The following NBEA variants were observed in gnomAD, a reference collection of about 807,000 sequenced individuals.
The protein encoded by NBEA is neurobeachin.
Under a neutral mutation model 343.4 loss-of-function variants are expected in NBEA, and 44 were observed. That is an observed-to-expected ratio of 0.13 (90% CI 0.10 to 0.16). The LOEUF (loss-of-function observed/expected upper bound fraction) is 0.16. Among genes scored for constraint, NBEA ranks in the 10% least tolerant of loss-of-function variants. NBEA has a pLI of 1.00. For missense variants in NBEA, 2,555 were observed against 3,631.3 expected, an observed-to-expected ratio of 0.70 and a Z score of 7.62; for synonymous variants, 1,175 against 1,238.7, an observed-to-expected ratio of 0.95 and a Z score of 1.08.
chr13:35,384,534 T>C (rs1037771981), intron 38 of NBEA, among the ~76,000 whole-genome samples: 43 of 149,834 alleles, frequency 2.9e-4, no homozygotes, highest in Admixed American at 8.0e-4. Context: ...TTTTTTTTTT[T>C]TTTTTTTTTG....
In NBEA at chr13:35,309,538, A is replaced by T; in HGVS notation, c.5849A>T (p.Asn1950Ile). ...GGTTTCTCCTTTTAGGAATGGCAAA[A>T]CTCTATTCAGAAGAATGCAGGACTT... ...VMLLCSQEWQ[N>I]SIQKNAGLAF... The change falls in exon 36 of 59, where the codon AAC becomes ATC. Residue 1950 changes from asparagine (N) to isoleucine (I), a missense_variant. Physicochemically the swap from Asn to Ile is moderately radical, Grantham distance 149 (BLOSUM62 -3). Transcript: ENST00000379939. The T allele has an allele frequency of 1.3e-6, 2 of 1,588,172 alleles. No homozygotes were observed. The highest frequency in any genetic ancestry group is 1.7e-6 in the Non-Finnish European group (2 of 1,168,320).
intron 18 of NBEA, among the ~76,000 whole-genome samples, chr13:35,151,157 T>G (rs909744767): frequency 6.6e-6 from 1 of 151,796 alleles, no homozygotes; most frequent in African/African-American, 2.4e-5. Flanking sequence ...TTTTAATAAT[T>G]TTTTTGAAGT....
At chr13:35,097,576 C>G (rs1342168004) in intron 10 of NBEA, among the ~76,000 whole-genome samples, 1 of 151,946 alleles carries the variant, frequency 6.6e-6, no homozygotes, top group Non-Finnish European at 1.5e-5. Flanking sequence ...AATGCATTAT[C>G]AAAGCTTAAT....
chr13:35,283,787 A>G (rs1006232642), intron 34 of NBEA, among the ~76,000 whole-genome samples: 3 of 152,164 alleles, frequency 2.0e-5, no homozygotes, highest in Non-Finnish European at 4.4e-5. Context: ...TGATAATTGA[A>G]TTTGTGATAA....
intron 34 of NBEA, among the ~76,000 whole-genome samples, chr13:35,257,061 G>A (rs117265686): frequency 0.019 from 2,958 of 152,306 alleles, 51 homozygotes; most frequent in South Asian, 0.034. Flanking sequence ...CTTTGTAGTG[G>A]CCACTCCAGA....
chr13:35,340,665 A>G (rs138460329), intron 36 of NBEA, among the ~76,000 whole-genome samples: 156 of 152,180 alleles, frequency 1.0e-3, no homozygotes, highest in Middle Eastern at 6.8e-3. Flanking sequence ...AAAGGAATAA[A>G]TTTAGCCAAA....
chr13:34,954,693 T>C (rs2059440672), intron 1 of NBEA, among the ~76,000 whole-genome samples: 1 of 152,162 alleles, frequency 6.6e-6, no homozygotes, highest in African/African-American at 2.4e-5. Context: ...AATGGCATAG[T>C]ATTTGCATAT....
chr13:35,626,900 G>A (rs2083255657), intron 48 of NBEA, among the ~76,000 whole-genome samples: 1 of 152,102 alleles, frequency 6.6e-6, no homozygotes, highest in Non-Finnish European at 1.5e-5. Flanking sequence ...TGTTTACATT[G>A]CTGAATGAGA....
chr13:35,076,808 A>G (rs1291261116), intron 10 of NBEA, among the ~76,000 whole-genome samples: 1 of 152,032 alleles, frequency 6.6e-6, no homozygotes, highest in African/African-American at 2.4e-5. Flanking sequence ...CTATCTTCTA[A>G]CAGGAGTATT....
intron 38 of NBEA, among the ~76,000 whole-genome samples, chr13:35,355,224 A>C (rs2040426097): frequency 7.2e-6 from 1 of 139,124 alleles, no homozygotes. Flanking sequence ...TTTATATTTC[A>C]CTTGACTTAT....
intron 43 of NBEA, among the ~76,000 whole-genome samples, chr13:35,553,181 C>T (rs1342156547): frequency 1.3e-5 from 2 of 152,134 alleles, no homozygotes; most frequent in Admixed American, 1.3e-4. Context: ...CAACAGTCAC[C>T]ATGCCCAGCT....
chr13:35,015,811 C>T (rs1477024615), intron 1 of NBEA, among the ~76,000 whole-genome samples: 6 of 151,914 alleles, frequency 3.9e-5, no homozygotes, highest in African/African-American at 1.5e-4. Flanking sequence ...TCAGTGTGCT[C>T]TATTTGAGAA....
At chr13:35,313,130 A>T (rs1157837052) in intron 36 of NBEA, among the ~76,000 whole-genome samples, 1 of 152,194 alleles carries the variant, frequency 6.6e-6, no homozygotes, top group African/African-American at 2.4e-5. Flanking sequence ...CTTCTCCCAC[A>T]TCTTGACACG....
intron 1 of NBEA, among the ~76,000 whole-genome samples, chr13:35,015,890 G>A (rs2061641209): frequency 6.6e-6 from 1 of 151,998 alleles, no homozygotes. Flanking sequence ...ATTTCACAAA[G>A]TGCAGTTATA....
At chr13:35,511,854 C>T (rs1454799056) in intron 41 of NBEA, among the ~76,000 whole-genome samples, 1 of 151,978 alleles carries the variant, frequency 6.6e-6, no homozygotes, top group Non-Finnish European at 1.5e-5. Flanking sequence ...CATTTATTTA[C>T]CTGAGAGTAC....
At chr13:35,309,503 C>T (rs1217191165) in intron 35 of NBEA, 25 bp from the exon 36 acceptor site, 7 of 1,486,406 alleles carry the variant, frequency 4.7e-6, no homozygotes, top group Middle Eastern at 3.5e-4. Flanking sequence ...ACTTTTCTCA[C>T]GTTTGTTTTG....
At chr13:35,106,224 A>G (rs1335322426) in intron 11 of NBEA, among the ~76,000 whole-genome samples, 1 of 152,002 alleles carries the variant, frequency 6.6e-6, no homozygotes, top group Non-Finnish European at 1.5e-5. Flanking sequence ...ACAGATTTAT[A>G]ACTATAAATT....
chr13:35,232,674 T>C (rs1156605419), intron 34 of NBEA, 55 bp downstream of exon 34: 4 of 1,258,050 alleles, frequency 3.2e-6, no homozygotes, highest in Non-Finnish European at 4.2e-6. Context: ...GTATTAATCA[T>C]GGCATAATTT....
chr13:35,168,876 T>G, intron 24 of NBEA, 111 bp from the exon 25 acceptor site: 1 of 698,472 alleles, frequency 1.4e-6, no homozygotes, highest in Non-Finnish European at 2.0e-6. Context: ...AATATAATTT[T>G]TAAATATATT....
Sources: gnomAD v4.1 joint callset for allele counts (sites outside exome capture counted in the v4.1 genomes callset) on GRCh38, gnomAD v4.1.1 for gene constraint, MANE v1.5 for transcripts, NCBI Gene and HGNC (gene_info 2026-07-23, HGNC 2026-07-21) for gene names.